The following GPC5 variants were observed in gnomAD, a reference collection of about 807,000 sequenced individuals.
The protein encoded by GPC5 is glypican 5.
A neutral mutation model predicts 53.9 loss-of-function variants in GPC5; 47 were observed. That is an observed-to-expected ratio of 0.87 (90% CI 0.69 to 1.11). The LOEUF (loss-of-function observed/expected upper bound fraction) is 1.11, where lower values mean the gene tolerates loss of function less well. Ranked by LOEUF, GPC5 falls within the 50% of genes most tolerant of loss-of-function variation. GPC5 has a pLI of 0.00. For missense variants in GPC5, 748 were observed against 713.1 expected (o/e 1.05, Z -0.56); for synonymous variants, 286 against 263.3 (o/e 1.09, Z -0.84).
chr13:91,749,670 A>T (rs1393595469), intron 4 of GPC5, among the ~76,000 whole-genome samples: 3 of 152,130 alleles, frequency 2.0e-5, no homozygotes, highest in Non-Finnish European at 4.4e-5. Flanking sequence ...TCTCCATACC[A>T]TTTTCCATAG....
intron 6 of GPC5, among the ~76,000 whole-genome samples, chr13:92,112,775 T>C (rs1204696277): frequency 6.6e-6 from 1 of 152,074 alleles, no homozygotes; most frequent in Non-Finnish European, 1.5e-5. Context: ...TTGTGAAAAA[T>C]CTGAGCATAG....
At chr13:92,178,543 T>C (rs2042124550) in intron 7 of GPC5, among the ~76,000 whole-genome samples, 1 of 151,536 alleles carries the variant, frequency 6.6e-6, no homozygotes. Flanking sequence ...TTGTATATTA[T>C]ATATTTATAT....
At chr13:92,002,609 C>A (rs2040565424) in intron 6 of GPC5, among the ~76,000 whole-genome samples, 1 of 151,990 alleles carries the variant, frequency 6.6e-6, no homozygotes, top group Admixed American at 6.6e-5. Context: ...AATAAGCACA[C>A]AAAAATAGTA....
intron 6 of GPC5, among the ~76,000 whole-genome samples, chr13:91,933,020 A>T (rs1035962837): frequency 3.3e-5 from 5 of 152,140 alleles, no homozygotes; most frequent in African/African-American, 1.2e-4. Context: ...TGAAATTTTT[A>T]AAGTGGCATT....
intron 7 of GPC5, among the ~76,000 whole-genome samples, chr13:92,507,607 C>T (rs779909472): frequency 6.6e-6 from 1 of 152,144 alleles, no homozygotes; most frequent in Non-Finnish European, 1.5e-5. Context: ...CTACCTATAA[C>T]ATCTCTGCTC....
chr13:91,723,534 A>G (rs1247394582), intron 3 of GPC5, among the ~76,000 whole-genome samples: 2 of 151,806 alleles, frequency 1.3e-5, no homozygotes. Flanking sequence ...ACTTCCATAT[A>G]TCAGTGTCTG....
chr13:91,428,006 C>A (rs940349175), intron 1 of GPC5, among the ~76,000 whole-genome samples: 5 of 152,098 alleles, frequency 3.3e-5, no homozygotes, highest in Non-Finnish European at 7.4e-5. Flanking sequence ...TGAGGCCTTC[C>A]CAGCCATGTG....
chr13:92,071,700 T>C (rs1370273720), intron 6 of GPC5, among the ~76,000 whole-genome samples: 3 of 151,892 alleles, frequency 2.0e-5, no homozygotes, highest in Non-Finnish European at 4.4e-5. Flanking sequence ...TATTTATCCT[T>C]CCAGATAAAA....
intron 7 of GPC5, among the ~76,000 whole-genome samples, chr13:92,371,172 A>G (rs1452002217): frequency 6.6e-6 from 1 of 152,170 alleles, no homozygotes; most frequent in Non-Finnish European, 1.5e-5. Flanking sequence ...AAACCAAAAC[A>G]AAACAAAAAG....
intron 7 of GPC5, among the ~76,000 whole-genome samples, chr13:92,198,810 C>G (rs890104599): frequency 6.6e-6 from 1 of 152,114 alleles, no homozygotes; most frequent in Non-Finnish European, 1.5e-5. Context: ...TAGGTCACAT[C>G]TCTATCTCAG....
intron 7 of GPC5, among the ~76,000 whole-genome samples, chr13:92,405,646 G>A (rs543570691): frequency 6.6e-6 from 1 of 152,166 alleles, no homozygotes; most frequent in South Asian, 2.1e-4. Flanking sequence ...AGTATTTAAA[G>A]CTCCTAATAT....
chr13:91,437,896 C>T (rs1021358919), intron 1 of GPC5, among the ~76,000 whole-genome samples: 4 of 152,156 alleles, frequency 2.6e-5, no homozygotes, highest in East Asian at 1.9e-4. Context: ...CTTCCCTTCT[C>T]GCTTCATTTC....
chr13:91,733,139 TTG>T (rs2036738825), intron 4 of GPC5, among the ~76,000 whole-genome samples: 1 of 152,114 alleles, frequency 6.6e-6, no homozygotes, highest in African/African-American at 2.4e-5. Context: ...AATTTTTGTT[TTG>T]TTTTGTTTTG....
chr13:92,054,227 A>G (rs1050940964), intron 6 of GPC5, among the ~76,000 whole-genome samples: 3 of 151,248 alleles, frequency 2.0e-5, no homozygotes, highest in Non-Finnish European at 3.0e-5. Context: ...TTTATTAAGC[A>G]CACACACACA....
rs753380099 is a variant in GPC5, at chr13:92,646,930, A to ATGTGTGTGTGTGTG, written c.1562-219328_1562-219315dup. On this transcript the variant is annotated intron_variant, in intron 7 of 7. Coordinates refer to ENST00000377067, the MANE Select transcript of GPC5 (RefSeq NM_004466.6). ...CATATATATGTAAATATATATAAACATGTGTGTGTGTGTGTGTGTGTGTGT... is the reference window on the plus strand; with the variant it reads ...CATATATATGTAAATATATATAAACATGTGTGTGTGTGTGTGTGTGTGTGTGTGTGTGTGTGTGT... Among the ~76,000 whole-genome samples, 130 of 146,580 alleles carry ATGTGTGTGTGTGTG rather than the reference A, an allele frequency of 8.9e-4. 1 individual carries two copies. Among genetic ancestry groups the ATGTGTGTGTGTGTG allele is most frequent in the Middle Eastern group, 3.5e-3 (1 of 284 alleles).
At chr13:92,104,322 CT>C (rs762437510) in intron 6 of GPC5, among the ~76,000 whole-genome samples, 6 of 152,150 alleles carry the variant, frequency 3.9e-5, no homozygotes, top group African/African-American at 7.2e-5. Flanking sequence ...AGTCAGCATT[CT>C]TTCTTGAAGA....
At chr13:91,765,836 A>G (rs926522542) in intron 5 of GPC5, among the ~76,000 whole-genome samples, 4 of 152,230 alleles carry the variant, frequency 2.6e-5, no homozygotes, top group Non-Finnish European at 5.9e-5. Context: ...ATAATGACTG[A>G]GAATGCTTTA....
At chr13:91,788,004 T>C (rs2037905174) in intron 5 of GPC5, among the ~76,000 whole-genome samples, 1 of 152,254 alleles carries the variant, frequency 6.6e-6, no homozygotes, top group Non-Finnish European at 1.5e-5. Context: ...GAGAGCTTTT[T>C]TTTAAAGCTA....
At chr13:92,328,473 A>G (rs2043267135) in intron 7 of GPC5, among the ~76,000 whole-genome samples, 1 of 152,176 alleles carries the variant, frequency 6.6e-6, no homozygotes, top group South Asian at 2.1e-4. Context: ...GAAAAGTATC[A>G]ATCAAGGTCT....
Sources: allele counts gnomAD v4.1 joint callset (sites outside exome capture counted in the v4.1 genomes callset), GRCh38; gene constraint gnomAD v4.1.1; transcripts MANE v1.5; gene names NCBI Gene and HGNC (gene_info 2026-07-23, HGNC 2026-07-21).